PCSK4: variants seen among roughly 807,000 people sequenced by gnomAD.
The protein encoded by PCSK4 is testicular tissue protein Li 135.
In PCSK4, 64 loss-of-function variants were observed where a neutral mutation model predicts 80.3. The observed-to-expected ratio is 0.80, with a 90% CI of 0.65 to 0.98. The LOEUF is 0.98. Among genes scored for constraint, PCSK4 ranks in the 50% least tolerant of loss-of-function variants. The pLI is 0.00. For synonymous variants in PCSK4, 561 were observed against 487.6 expected (o/e 1.15, Z -1.98); for missense variants, 1,213 against 1,093.6 (o/e 1.11, Z -1.54).
chr19:1,488,659 C>T (rs2084771809), intron 2 of PCSK4, among the ~76,000 whole-genome samples: 3 of 152,090 alleles, frequency 2.0e-5, no homozygotes, highest in Admixed American at 2.0e-4. Context: ...TGGCTCACTG[C>T]AACCTCTGCC....
exon 15 of PCSK4, chr19:1,481,891 C>T: frequency 6.3e-7 from 1 of 1,595,212 alleles, no homozygotes. Context: ...CCAGGAGGCT[C>T]AGCACCATGG....
In PCSK4 at chr19:1,483,946, GGGGGGC is replaced by G. The variant is rs746015042; in HGVS notation, c.1170-11_1170-6del. ...TCTCTCCACGTCAGGAACGGGCTGC[GGGGGGC>G]GGGGGCGGGGGCGGGTGAGCCGCCG... On this transcript the variant is annotated splice_region_variant and splice_polypyrimidine_tract_variant and intron_variant, in intron 9 of 14. Transcript: ENST00000300954. The G allele has an allele frequency of 3.6e-5, 51 of 1,430,928 alleles. No individual in the cohort carries two copies. The highest frequency in any genetic ancestry group is 3.2e-4 in the African/African-American group (21 of 66,064). 88.6% of individuals were successfully genotyped at this position (1,430,928 alleles called of 1,614,324 possible).
At chr19:1,482,851 T>C in intron 13 of PCSK4, 45 bp downstream of exon 13, 15 of 1,600,550 alleles carry the variant, frequency 9.4e-6, no homozygotes, top group Non-Finnish European at 1.1e-5. Context: ...TGGGGGGAGG[T>C]TGGAGAGCCA....
Position 1,483,212 on chromosome 19 carries a change from G to A in PCSK4, c.1571+72C>T, listed in dbSNP as rs1009617369. Reference sequence around the variant, plus strand: ...TATGGGCCTGGCCCCTCCCCGTGAGGACACTCCGGGTAGATGGCAGCGTTT... The same window carrying A: ...TATGGGCCTGGCCCCTCCCCGTGAGAACACTCCGGGTAGATGGCAGCGTTT... On this transcript the variant is annotated intron_variant, in intron 12 of 14. Transcript: ENST00000300954. 7.1e-6 allele frequency: 10 copies of A among 1,412,120 alleles called. No homozygotes were observed. In the Admixed American group the frequency reaches 1.5e-4, roughly 21 times the overall value. 87.5% of individuals were successfully genotyped at this position (1,412,120 alleles called of 1,614,324 possible).
chr19:1,488,205 A>G lies in PCSK4; in HGVS notation c.370T>C (p.Ser124Pro), dbSNP rs750002927. The change falls in exon 3 of 15, where the codon TCC becomes CCC. Residue 124 changes from serine to proline, a missense_variant. Coordinates refer to ENST00000300954, the Ensembl canonical transcript of PCSK4. The stretch of plus-strand genomic sequence containing the variant: ...CTGCTCACCATGTACCACTGCTTGG[A>G]GAACCAGGGGTCCGTGGGCACCACG... 26 of 1,613,564 alleles carry G rather than the reference A, an allele frequency of 1.6e-5. No homozygotes were observed. The highest frequency in any genetic ancestry group is 2.2e-5 in the Non-Finnish European group (26 of 1,179,904).
chr19:1,490,779 C>A (rs573254741), upstream of PCSK4: 29 of 194,512 alleles, frequency 1.5e-4, no homozygotes, highest in African/African-American at 6.5e-4. Flanking sequence ...CCGCCCCTAC[C>A]ATTCCGCCCT....
At chr19:1,487,890 C>G in intron 4 of PCSK4, 29 bp from the exon 5 acceptor site, 2 of 1,561,298 alleles carry the variant, frequency 1.3e-6, no homozygotes, top group Non-Finnish European at 1.7e-6. Context: ...ATGAGGGGGC[C>G]GGGAGGCGTC....
chr19:1,489,048 C>T (rs1195552511), intron 2 of PCSK4, among the ~76,000 whole-genome samples: 1 of 152,200 alleles, frequency 6.6e-6, no homozygotes, highest in Non-Finnish European at 1.5e-5. Context: ...CTAGACAGGG[C>T]CCAGCCCGAT....
At chr19:1,484,170 G>C in intron 8 of PCSK4, 43 bp from the exon 9 acceptor site, 2 of 1,092,066 alleles carry the variant, frequency 1.8e-6, no homozygotes, top group Non-Finnish European at 2.7e-6. Context: ...CGTGCACAGT[G>C]AGAATACAGC....
chr19:1,489,888 C>A, exon 2 of PCSK4: 1 of 1,608,260 alleles, frequency 6.2e-7, no homozygotes, highest in Non-Finnish European at 8.5e-7. Context: ...TACTGCCCGT[C>A]AGGGAAGATC....
intron 2 of PCSK4, 44 bp downstream of exon 2, chr19:1,489,748 CA>C (rs750635931): frequency 3.4e-5 from 53 of 1,568,450 alleles, no homozygotes; most frequent in Non-Finnish European, 4.3e-5. Context: ...CCCCAGGAGG[CA>C]GCTGAGACCC....
chr19:1,483,944 G>A lies in PCSK4; in HGVS notation c.1170-3C>T, dbSNP rs2084461395. On this transcript the variant is annotated splice_polypyrimidine_tract_variant and splice_region_variant and intron_variant, in intron 9 of 14. Coordinates refer to ENST00000300954, the Ensembl canonical transcript of PCSK4. ...TGTCTCTCCACGTCAGGAACGGGCT[G>A]CGGGGGGCGGGGGCGGGGGCGGGTG... The A allele has an allele frequency of 3.5e-6, 5 of 1,434,856 alleles. No individual in the cohort carries two copies. In the African/African-American group the frequency reaches 7.6e-5, roughly 22 times the overall value. 88.9% of individuals were successfully genotyped at this position (1,434,856 alleles called of 1,614,324 possible).
exon 6 of PCSK4, chr19:1,487,615 C>A: frequency 6.4e-7 from 1 of 1,551,620 alleles, no homozygotes; most frequent in Non-Finnish European, 8.7e-7. Context: ...CCGATTCGGG[C>A]GTTGAAAGCG....
chr19:1,482,132 C>T (rs555857335), exon 15 of PCSK4: 3 of 1,557,316 alleles, frequency 1.9e-6, no homozygotes, highest in African/African-American at 1.4e-5. Context: ...GGTCACCAGC[C>T]TTGTGTGGTT....
At position 1,482,183 on chromosome 19, in the gene PCSK4, AGGATGTAGGCGGG is replaced by A; in HGVS notation, c.1831_1843del (p.Pro611TrpfsTer20). 1 of 1,551,278 alleles carries A rather than the reference AGGATGTAGGCGGG, an allele frequency of 6.4e-7. No homozygotes were observed. Among genetic ancestry groups the A allele is most frequent in the Non-Finnish European group, 8.7e-7 (1 of 1,155,972 alleles). ...GCAGTAGGCCAGGCAGAGCTGTCCC[AGGATGTAGGCGGG>A]GCCGTCACACGCTGCTCGGGGACAC... On this transcript the variant is annotated frameshift_variant, in exon 15 of 15. Transcript: ENST00000300954. LOFTEE classifies it low-confidence loss of function (END_TRUNC).
At chr19:1,486,332 T>G (rs1767923648) in intron 8 of PCSK4, among the ~76,000 whole-genome samples, 1 of 151,408 alleles carries the variant, frequency 6.6e-6, no homozygotes, top group African/African-American at 2.4e-5. Flanking sequence ...AGTCTCACTC[T>G]GTCGCCCAGG....
In PCSK4 at chr19:1,481,852, G is replaced by A. The variant is rs2668437; in HGVS notation, c.2175C>T (p.Cys725=). ...ATAGTGGGAGGTCCATGGACATGCC[G>A]CAGAGGACGGGGCCTCCGAGGGTCA... Residue 725 remains cysteine, a synonymous_variant, in exon 15 of 15, where the codon TGC becomes TGT. Coordinates refer to ENST00000300954, the Ensembl canonical transcript of PCSK4. The A allele has an allele frequency of 7.8e-3, 12,276 of 1,574,766 alleles. 762 individuals are homozygous for A. In the African/African-American group the frequency reaches 0.14, roughly 18 times the overall value.
intron 8 of PCSK4, among the ~76,000 whole-genome samples, 195 bp from the exon 9 acceptor site, chr19:1,484,322 T>C (rs1271124191): frequency 6.8e-6 from 1 of 147,964 alleles, no homozygotes; most frequent in Non-Finnish European, 1.5e-5. Flanking sequence ...ACCCCAACTC[T>C]ACAAAAATAC....
In PCSK4 at chr19:1,487,947, G is replaced by A. The variant is rs1158279549; in HGVS notation, c.516+17C>T. ...GCACCTGGGGCAGCCCTCGCCCACAGCCACCCGCGGTCTCACGTAGTTGGC... is the reference window on the plus strand; with the variant it reads ...GCACCTGGGGCAGCCCTCGCCCACAACCACCCGCGGTCTCACGTAGTTGGC... On this transcript the variant is annotated intron_variant, in intron 4 of 14. Transcript: ENST00000300954. The A allele has an allele frequency of 3.1e-6, 5 of 1,600,438 alleles. No homozygotes were observed. Among genetic ancestry groups the A allele is most frequent in the Non-Finnish European group, 3.4e-6 (4 of 1,170,702 alleles).
Sources: gnomAD v4.1 joint callset for allele counts (sites outside exome capture counted in the v4.1 genomes callset) on GRCh38, gnomAD v4.1.1 for gene constraint, MANE v1.5 for transcripts, NCBI Gene and HGNC (gene_info 2026-07-23, HGNC 2026-07-21) for gene names.